The following IGSF11 variants were observed in gnomAD, a reference collection of about 807,000 sequenced individuals.
IGSF11 encodes immunoglobulin superfamily member 11.
Under a neutral mutation model 41.0 loss-of-function variants are expected in IGSF11, and 22 were observed. That is an observed-to-expected ratio of 0.54 (90% CI 0.38 to 0.77). The LOEUF (loss-of-function observed/expected upper bound fraction) is 0.77, where lower values mean the gene tolerates loss of function less well. IGSF11 is among the 30% of genes least tolerant of loss of function. The pLI is 0.00. For missense variants in IGSF11, 444 were observed against 530.8 expected, an observed-to-expected ratio of 0.84 and a Z score of 1.61; for synonymous variants, 219 against 201.3, an observed-to-expected ratio of 1.09 and a Z score of -0.74.
At chr3:119,099,861 C>T (rs2076914082) in intron 1 of IGSF11, among the ~76,000 whole-genome samples, 2 of 152,190 alleles carry the variant, frequency 1.3e-5, no homozygotes, top group Admixed American at 6.5e-5. Flanking sequence ...ATTCCAAGAG[C>T]AGCAGTAGAT....
intron 3 of IGSF11, 22 bp from the exon 4 acceptor site, chr3:118,926,278 A>G: frequency 6.4e-7 from 1 of 1,551,158 alleles, no homozygotes; most frequent in South Asian, 1.2e-5. Flanking sequence ...AGAATAAGCA[A>G]TAAAGTACAC....
chr3:119,039,198 C>A (rs1941023245), upstream of IGSF11, among the ~76,000 whole-genome samples: 1 of 152,202 alleles, frequency 6.6e-6, no homozygotes, highest in Admixed American at 6.5e-5. Flanking sequence ...TAAAACAACA[C>A]AAATGTGTTA....
Position 119,053,123 on chromosome 3 carries a change from G to A in IGSF11, c.49+52021C>T, listed in dbSNP as rs549906302. Among the ~76,000 whole-genome samples the A allele has an allele frequency of 4.6e-5, 7 of 152,202 alleles. No individual in the cohort carries two copies. The South Asian group carries it at 8.3e-4, about 18-fold the overall frequency. On this transcript the variant is annotated intron_variant, in intron 1 of 6. Coordinates refer to the IGSF11 transcript ENST00000354673. ...CCCACTTTCACCACTTCTATTCAAC[G>A]TAGTACTGGAAGTCCTAGCCAGAGC...
intron 4 of IGSF11, among the ~76,000 whole-genome samples, chr3:118,913,798 T>C (rs1940664142): frequency 6.6e-6 from 1 of 151,998 alleles, no homozygotes; most frequent in South Asian, 2.1e-4. Context: ...ATGGGGATGA[T>C]TAATAAGGAG....
At chr3:119,050,890 G>T (rs1011536092) in intron 1 of IGSF11, among the ~76,000 whole-genome samples, 3 of 150,550 alleles carry the variant, frequency 2.0e-5, no homozygotes, top group Non-Finnish European at 4.4e-5. Context: ...GTAAACTATC[G>T]CAAGGACAAA....
intron 1 of IGSF11, among the ~76,000 whole-genome samples, chr3:119,052,778 A>T (rs562392875): frequency 1.3e-5 from 2 of 152,316 alleles, no homozygotes; most frequent in South Asian, 2.1e-4. Flanking sequence ...CCAACAGCTT[A>T]TCAAAAAGAT....
chr3:118,902,534 C>T lies in IGSF11; in HGVS notation c.1282G>A (p.Gly428Arg), dbSNP rs1004362929. The T allele has an allele frequency of 1.5e-5, 24 of 1,612,870 alleles. No individual in the cohort carries two copies. The highest frequency in any genetic ancestry group is 5.3e-5 in the African/African-American group (4 of 74,788). Residue 428 changes from glycine to arginine, a missense_variant, in exon 7 of 7, where the codon GGG (glycine) becomes AGG (arginine). Around this residue, in one of 3 missense-constraint regions of IGSF11, gnomAD observed 223 missense variants for 226.2 expected, o/e 0.99. Transcript: ENST00000393775. ...PVMVPAQSRA[G>R]SLV is the part of the protein sequence containing the mutation. ...TTCCTCATGTCCTATACCAAGGACC[C>T]GGCCCGACTCTGGGCTGGTACCATG... is the stretch of plus-strand genomic sequence containing the variant.
rs761093757 is a variant in IGSF11 at position 118,904,783 on chromosome 3, A to G, written c.719T>C (p.Ile240Thr). 3.1e-6 allele frequency: 5 copies of G among 1,611,504 alleles called. No homozygotes were observed. In the South Asian group the frequency reaches 4.4e-5, roughly 14 times the overall value. Residue 240 changes from isoleucine to threonine, a missense_variant, in exon 6 of 7, where the codon ATT (isoleucine) becomes ACT (threonine). This residue lies in a region of IGSF11 where 193 missense variants were observed against 283.5 expected (regional missense o/e 0.68). Transcript: ENST00000393775. Reference sequence around the variant, plus strand: ...GCCAATGGCTCCAGCTATTAGTCCAATGTTCCTGGGCTGGGCTGCAAAATA... The same window carrying G: ...GCCAATGGCTCCAGCTATTAGTCCAGTGTTCCTGGGCTGGGCTGCAAAATA... ...LQVISPQPRN[I>T]GLIAGAIGTG...
intron 1 of IGSF11, among the ~76,000 whole-genome samples, chr3:119,058,858 G>C (rs1254055407): frequency 2.6e-5 from 4 of 151,994 alleles, no homozygotes; most frequent in African/African-American, 9.7e-5. Context: ...ATCATTCTCA[G>C]CAAACTACCA....
chr3:119,134,002 C>G (rs1344168729), intron 1 of IGSF11, among the ~76,000 whole-genome samples: 1 of 152,102 alleles, frequency 6.6e-6, no homozygotes, highest in South Asian at 2.1e-4. Flanking sequence ...AGGCCTTTGA[C>G]AAAACTCAAC....
At chr3:118,933,970 TC>T in intron 1 of IGSF11, among the ~76,000 whole-genome samples, 1 of 151,844 alleles carries the variant, frequency 6.6e-6, no homozygotes, top group South Asian at 2.1e-4. Flanking sequence ...ATCATAGACT[TC>T]CCCCTCCCAT....
At chr3:119,028,907 T>C (rs1193377668) in intron 1 of IGSF11, among the ~76,000 whole-genome samples, 1 of 152,266 alleles carries the variant, frequency 6.6e-6, no homozygotes, top group African/African-American at 2.4e-5. Flanking sequence ...ACCAATTTCC[T>C]GGTTTTTATT....
Position 118,902,295 on chromosome 3 carries a change from C to T in IGSF11, c.*225G>A, listed in dbSNP as rs1172285709. 5 of 491,252 alleles carry T rather than the reference C, an allele frequency of 1.0e-5. No individual in the cohort carries two copies. Among genetic ancestry groups the T allele is most frequent in the African/African-American group, 9.6e-5 (5 of 52,228 alleles). 30.4% of individuals were successfully genotyped at this position (491,252 alleles called of 1,614,324 possible). A position where few individuals can be genotyped will look rare whatever the true frequency, so the allele number is the denominator to read the frequency against. On this transcript the variant is annotated 3_prime_UTR_variant, in exon 7 of 7. Coordinates refer to ENST00000393775, the MANE Select transcript of IGSF11 (RefSeq NM_001015887.3). Reference sequence around the variant, plus strand: ...GGCTTGGCACATCTTTGAGATCCAGCAGAATCCCAGGACATCTTTGGTGGG... The same window carrying T: ...GGCTTGGCACATCTTTGAGATCCAGTAGAATCCCAGGACATCTTTGGTGGG...
chr3:119,031,681 A>T (rs1940415603), intron 1 of IGSF11, among the ~76,000 whole-genome samples: 3 of 152,198 alleles, frequency 2.0e-5, no homozygotes, highest in African/African-American at 7.2e-5. Context: ...TTGAATATAT[A>T]TGTGTATTAG....
At chr3:118,969,165 A>G (rs1295768728) in intron 1 of IGSF11, among the ~76,000 whole-genome samples, 1 of 152,216 alleles carries the variant, frequency 6.6e-6, no homozygotes, top group African/African-American at 2.4e-5. Flanking sequence ...AGAAACAAAA[A>G]GCACTATGCA....
At chr3:119,001,295 T>G (rs1162579895) in intron 1 of IGSF11, among the ~76,000 whole-genome samples, 1 of 151,348 alleles carries the variant, frequency 6.6e-6, no homozygotes, top group Non-Finnish European at 1.5e-5. Flanking sequence ...CTTACTTATA[T>G]TTATTTTCTG....
intron 1 of IGSF11, among the ~76,000 whole-genome samples, chr3:119,095,690 A>G (rs533746494): frequency 3.3e-5 from 5 of 152,300 alleles, no homozygotes; most frequent in Admixed American, 3.3e-4. Context: ...AAAAAACAAC[A>G]TTGAGTTAGA....
rs561806131 is a variant in IGSF11, at chr3:118,995,363, A to ACCGTTTAGCCCC, written c.52+39156_52+39167dup. Among the ~76,000 whole-genome samples, 1,222 of 152,290 alleles carry ACCGTTTAGCCCC rather than the reference A, an allele frequency of 8.0e-3. 9 individuals are homozygous for ACCGTTTAGCCCC. Among genetic ancestry groups the ACCGTTTAGCCCC allele is most frequent in the Non-Finnish European group, 0.013 (896 of 68,022 alleles). On this transcript the variant is annotated intron_variant, in intron 1 of 6. Transcript: ENST00000393775. ...CTGGAGCCCTGTACAGGCAATGATC[A>ACCGTTTAGCCCC]CCGTTTAGCCCCCACAACTGAAGAA...
At chr3:119,076,300 T>TA (rs1161006752) in intron 1 of IGSF11, among the ~76,000 whole-genome samples, 6 of 152,126 alleles carry the variant, frequency 3.9e-5, no homozygotes, top group Non-Finnish European at 7.4e-5. Context: ...CCTAAAACCA[T>TA]AAAAACCCTA....
Sources: allele counts gnomAD v4.1 joint callset (sites outside exome capture counted in the v4.1 genomes callset), GRCh38; gene constraint gnomAD v4.1.1; regional missense constraint gnomAD v4.1.1; transcripts MANE v1.5; gene names NCBI Gene and HGNC (gene_info 2026-07-23, HGNC 2026-07-21).